DAO: variants seen among roughly 807,000 people sequenced by gnomAD.
The protein encoded by DAO is D-amino-acid oxidase.
DAO carries 51 observed loss-of-function variants against 50.1 expected under a neutral mutation model. That is an observed-to-expected ratio of 1.02 (90% CI 0.81 to 1.29). The LOEUF is 1.29. DAO is among the 50% of genes most tolerant of loss of function. The pLI is 0.00. For missense variants in DAO, 436 were observed against 439.4 expected, an observed-to-expected ratio of 0.99 and a Z score of 0.07; for synonymous variants, 160 against 166.2, an observed-to-expected ratio of 0.96 and a Z score of 0.29.
intron 6 of DAO, 135 bp downstream of exon 6, chr12:108,893,171 G>T: frequency 2.7e-6 from 2 of 751,936 alleles, no homozygotes; most frequent in Non-Finnish European, 4.7e-6. Flanking sequence ...TGCCCCAGAA[G>T]CACTCAGGTA....
intron 5 of DAO, among the ~76,000 whole-genome samples, chr12:108,890,629 CT>C (rs923169421): frequency 6.6e-6 from 1 of 151,750 alleles, no homozygotes; most frequent in Non-Finnish European, 1.5e-5. Flanking sequence ...CTCCCTCTCT[CT>C]TTTTTTTTCT....
chr12:108,888,808 T>C (rs1189068960), intron 3 of DAO, among the ~76,000 whole-genome samples: 1 of 152,182 alleles, frequency 6.6e-6, no homozygotes, highest in Non-Finnish European at 1.5e-5. Flanking sequence ...CCCCTATTTC[T>C]GACTTTTCCC....
At chr12:108,894,222 C>A (rs776614494) in intron 6 of DAO, 41 bp from the exon 7 acceptor site, 11 of 1,480,656 alleles carry the variant, frequency 7.4e-6, no homozygotes, top group South Asian at 6.9e-5. Flanking sequence ...CCAGGGTCTT[C>A]CCCACCTTTC....
intron 10 of DAO, 117 bp downstream of exon 10, chr12:108,899,592 G>T: frequency 1.2e-6 from 1 of 863,028 alleles, no homozygotes. Context: ...AGCAGGCAGG[G>T]GCAGTGGTGG....
Position 108,900,133 on chromosome 12 carries a change from A to C in DAO, c.913-271A>C, listed in dbSNP as rs116222261. On this transcript the variant is annotated intron_variant, in intron 10 of 10. Coordinates refer to ENST00000228476, the MANE Select transcript of DAO (RefSeq NM_001917.5). ...AGAGGTGAAGTCACTTGCCCAAGTC[A>C]GACCACTGGTGGAAGGCAGGGCTGG... is the stretch of plus-strand genomic sequence containing the variant. 682 of 434,076 alleles carry C rather than the reference A, an allele frequency of 1.6e-3. 4 individuals carry two copies. The highest frequency in any genetic ancestry group is 0.011 in the African/African-American group (553 of 49,720). The allele number at this position is 434,076 out of a possible 1,614,324, so 26.9% of individuals were successfully genotyped here.
Position 108,900,667 on chromosome 12 carries a change from C to A in DAO, c.*132C>A. ...CAAAGAAGCATGAGGTGAGAGAAAG[C>A]CACAAAGTCAGTGCCTGGAGAAGGG... On this transcript the variant is annotated 3_prime_UTR_variant, in exon 11 of 11. Coordinates refer to ENST00000228476, the MANE Select transcript of DAO (RefSeq NM_001917.5). 7.3e-7 allele frequency: 1 copy of A among 1,363,946 alleles called. No individual in the cohort carries two copies. The highest frequency in any genetic ancestry group is 1.0e-6 in the Non-Finnish European group (1 of 991,514). The allele number at this position is 1,363,946 out of a possible 1,614,324, so 84.5% of individuals were successfully genotyped here. A position where few individuals can be genotyped will look rare whatever the true frequency, so the allele number is the denominator to read the frequency against.
intron 9 of DAO, 40 bp from the exon 10 acceptor site, chr12:108,899,337 A>G (rs565608617): frequency 6.1e-5 from 95 of 1,560,664 alleles, no homozygotes; most frequent in Non-Finnish European, 8.8e-7. Context: ...CAGCAGGAAA[A>G]AAAAATCCAG....
Position 108,893,042 on chromosome 12 carries a change from T to A in DAO, c.507+6T>A, listed in dbSNP as rs763400084. Reference sequence around the variant, plus strand: ...AAGTGGAGTCTTTTGAGGAGGTGAGTTGCAGGGCTGATGCGGTGGATGGGG... The same window carrying A: ...AAGTGGAGTCTTTTGAGGAGGTGAGATGCAGGGCTGATGCGGTGGATGGGG... On this transcript the variant is annotated splice_donor_region_variant and intron_variant, in intron 6 of 10. Coordinates refer to ENST00000228476, the MANE Select transcript of DAO (RefSeq NM_001917.5). 1.9e-6 allele frequency: 3 copies of A among 1,612,930 alleles called. No homozygotes were observed. Among genetic ancestry groups the A allele is most frequent in the Non-Finnish European group, 2.5e-6 (3 of 1,179,318 alleles).
intron 7 of DAO, among the ~76,000 whole-genome samples, chr12:108,896,408 C>T (rs113771730): frequency 0.015 from 1,379 of 91,612 alleles, 32 homozygotes; most frequent in African/African-American, 0.064. Flanking sequence ...GGCAACAGAG[C>T]GAGGCTGTCT....
chr12:108,885,237 A>G (rs754827788), intron 2 of DAO, 37 bp downstream of exon 2: 55 of 1,593,990 alleles, frequency 3.5e-5, no homozygotes, highest in Non-Finnish European at 4.6e-5. Context: ...TGGGGTGCCC[A>G]TGGACCTAAG....
At chr12:108,880,720 T>A (rs2039368050) in intron 1 of DAO, among the ~76,000 whole-genome samples, 1 of 151,974 alleles carries the variant, frequency 6.6e-6, no homozygotes, top group African/African-American at 2.4e-5. Flanking sequence ...ACTGATTTTT[T>A]TTTTTAAAAA....
chr12:108,900,611 TA>T lies in DAO; in HGVS notation c.*78del. The T allele has an allele frequency of 1.3e-6, 2 of 1,571,964 alleles. No homozygotes were observed. The highest frequency in any genetic ancestry group is 1.7e-6 in the Non-Finnish European group (2 of 1,148,058). On this transcript the variant is annotated 3_prime_UTR_variant, in exon 11 of 11. Coordinates refer to ENST00000228476, the MANE Select transcript of DAO (RefSeq NM_001917.5). ...GCCAATGAATCAATGTGCTCCTTCA[TA>T]AGCCATTGCTTCTCCCTCACTTCTT...
chr12:108,895,716 T>C (rs2039546525), intron 7 of DAO, among the ~76,000 whole-genome samples: 1 of 145,698 alleles, frequency 6.9e-6, no homozygotes, highest in African/African-American at 2.6e-5. Context: ...GAGGGGTATA[T>C]GTGTGGATGC....
chr12:108,885,663 TAGG>T (rs113973962), intron 2 of DAO, among the ~76,000 whole-genome samples: 2,101 of 152,274 alleles, frequency 0.014, 44 homozygotes, highest in African/African-American at 0.046. Context: ...TGCCAGATAC[TAGG>T]AGGCTTTGTC....
intron 1 of DAO, among the ~76,000 whole-genome samples, chr12:108,882,374 A>C (rs1438821981): frequency 2.0e-5 from 3 of 152,170 alleles, no homozygotes; most frequent in Non-Finnish European, 4.4e-5. Context: ...TTAGCCAGGC[A>C]TGTTGGTGCA....
intron 1 of DAO, among the ~76,000 whole-genome samples, chr12:108,881,497 A>G (rs1011485020): frequency 6.6e-6 from 1 of 150,718 alleles, no homozygotes; most frequent in African/African-American, 2.4e-5. Flanking sequence ...ACACACACAC[A>G]CACACACACA....
chr12:108,882,385 T>C (rs1266353561), intron 1 of DAO, among the ~76,000 whole-genome samples: 2 of 152,152 alleles, frequency 1.3e-5, no homozygotes, highest in African/African-American at 2.4e-5. Flanking sequence ...TGTTGGTGCA[T>C]GCCTGTAATC....
At chr12:108,895,281 ATG>A (rs769863451) in intron 7 of DAO, among the ~76,000 whole-genome samples, 10 of 143,808 alleles carry the variant, frequency 7.0e-5, no homozygotes, top group Non-Finnish European at 1.4e-4. Context: ...GTGTGTGTGT[ATG>A]TAAGGGTATG....
At position 108,887,360 on chromosome 12, in the gene DAO, C is replaced by T. The variant is rs145389272; in HGVS notation, c.195-90C>T. The T allele has an allele frequency of 1.6e-4, 145 of 927,382 alleles. No individual in the cohort carries two copies. The African/African-American group carries it at 2.1e-3, about 14-fold the overall frequency. 57.4% of individuals were successfully genotyped at this position (927,382 alleles called of 1,614,324 possible). On this transcript the variant is annotated intron_variant, in intron 2 of 10. Coordinates refer to ENST00000228476, the MANE Select transcript of DAO (RefSeq NM_001917.5). ...TGGGTTTTGGACACACCCCAAGCTC[C>T]TGATCATGCCACAGCCCCATGCCAG...
Sources: allele counts gnomAD v4.1 joint callset (sites outside exome capture counted in the v4.1 genomes callset), GRCh38; gene constraint gnomAD v4.1.1; transcripts MANE v1.5; gene names NCBI Gene and HGNC (gene_info 2026-07-23, HGNC 2026-07-21).